AGMO: variants seen among roughly 807,000 people sequenced by gnomAD.
AGMO encodes alkylglycerol monooxygenase.
A neutral mutation model predicts 60.2 loss-of-function variants in AGMO; 75 were observed. The ratio of observed to expected loss-of-function variants is 1.25; its 90% confidence interval spans 1.03 to 1.51. The LOEUF (loss-of-function observed/expected upper bound fraction) is 1.51, where lower values mean the gene tolerates loss of function less well. Ranked by LOEUF, AGMO falls within the 40% of genes most tolerant of loss-of-function variation. The pLI is 0.00. For synonymous variants in AGMO, 261 were observed against 177.1 expected (o/e 1.47, Z -3.76); for missense variants, 763 against 525.5 (o/e 1.45, Z -4.42).
At chr7:15,189,675 G>A in the AGMO span, among the ~76,000 whole-genome samples, 1 of 151,986 alleles carries the variant, frequency 6.6e-6, no homozygotes, top group Non-Finnish European at 1.5e-5. Context: ...ACACAAAGTT[G>A]TATATTGAAT....
chr7:15,415,583 A>G (rs1780742601), intron 5 of AGMO, among the ~76,000 whole-genome samples: 2 of 152,070 alleles, frequency 1.3e-5, no homozygotes, highest in Admixed American at 1.3e-4. Flanking sequence ...CAAATCTTCA[A>G]TATCAAAGAA....
chr7:15,268,366 T>C (rs1326669961), intron 12 of AGMO, among the ~76,000 whole-genome samples: 1 of 152,038 alleles, frequency 6.6e-6, no homozygotes, highest in Non-Finnish European at 1.5e-5. Context: ...TCTTCCCGCA[T>C]CTCATACCAT....
At chr7:15,373,948 G>C (rs1008442579) in intron 10 of AGMO, among the ~76,000 whole-genome samples, 1 of 152,126 alleles carries the variant, frequency 6.6e-6, no homozygotes, top group Admixed American at 6.6e-5. Flanking sequence ...TACAATCTCT[G>C]CTGTGAAGGC....
chr7:15,122,596 T>C, the AGMO span, among the ~76,000 whole-genome samples: 2 of 152,106 alleles, frequency 1.3e-5, no homozygotes, highest in Non-Finnish European at 2.9e-5. Flanking sequence ...GAAATCTGTC[T>C]TACTCCACGT....
chr7:15,385,566 G>A lies in AGMO; in HGVS notation c.958-4C>T, dbSNP rs1239804571. 5 of 1,550,094 alleles carry A rather than the reference G, an allele frequency of 3.2e-6. No individual in the cohort carries two copies. Among genetic ancestry groups the A allele is most frequent in the Non-Finnish European group, 4.5e-6 (5 of 1,122,592 alleles). ...AGGGAACTTCTTTGCCGGTGACCTA[G>A]GGAGACAAGAACCATTTCCTTTATA... On this transcript the variant is annotated splice_region_variant and splice_polypyrimidine_tract_variant and intron_variant, in intron 9 of 12. Transcript: ENST00000342526.
intron 10 of AGMO, among the ~76,000 whole-genome samples, chr7:15,376,870 A>G (rs4437533): frequency 0.34 from 50,989 of 151,874 alleles, 9,142 homozygotes; most frequent in African/African-American, 0.42. Flanking sequence ...ATATTTAAAT[A>G]TATGCTTTGC....
At chr7:15,475,406 C>T (rs996114148) in intron 3 of AGMO, among the ~76,000 whole-genome samples, 6 of 152,018 alleles carry the variant, frequency 3.9e-5, no homozygotes, top group African/African-American at 7.2e-5. Context: ...AGGGATGAAG[C>T]TGGAAACCAT....
chr7:15,299,699 A>C (rs1372799615), intron 12 of AGMO, among the ~76,000 whole-genome samples: 1 of 151,944 alleles, frequency 6.6e-6, no homozygotes, highest in Non-Finnish European at 1.5e-5. Context: ...ATGGTGGCAC[A>C]CACCTGTAGT....
chr7:15,465,257 A>C (rs1436755420), intron 3 of AGMO, among the ~76,000 whole-genome samples: 1 of 151,628 alleles, frequency 6.6e-6, no homozygotes, highest in Non-Finnish European at 1.5e-5. Flanking sequence ...TCTTCTCAGC[A>C]CTGCTCCCCA....
At chr7:15,283,445 G>T (rs183907939) in intron 12 of AGMO, among the ~76,000 whole-genome samples, 1 of 151,700 alleles carries the variant, frequency 6.6e-6, no homozygotes, top group Non-Finnish European at 1.5e-5. Flanking sequence ...TCTTATATCT[G>T]ATCAAAAAGA....
chr7:15,150,121 C>T, the AGMO span, among the ~76,000 whole-genome samples: 1 of 151,908 alleles, frequency 6.6e-6, no homozygotes, highest in Admixed American at 6.6e-5. Flanking sequence ...GTCCAAGTAG[C>T]ATAGAAATGC....
chr7:15,183,865 A>G, the AGMO span, among the ~76,000 whole-genome samples: 1 of 152,230 alleles, frequency 6.6e-6, no homozygotes, highest in African/African-American at 2.4e-5. Flanking sequence ...GGCTAAACAA[A>G]GACAACATAA....
At chr7:15,380,609 G>A (rs746605164) in intron 10 of AGMO, among the ~76,000 whole-genome samples, 8 of 151,980 alleles carry the variant, frequency 5.3e-5, no homozygotes, top group African/African-American at 1.9e-4. Context: ...TAGAATCAAT[G>A]CTATGCTTAT....
At chr7:15,200,147 T>C (rs1781237922), downstream of AGMO, among the ~76,000 whole-genome samples, 1 of 151,782 alleles carries the variant, frequency 6.6e-6, no homozygotes, top group Non-Finnish European at 1.5e-5. Context: ...ATTAAATTAT[T>C]AAATTTTAAC....
At chr7:15,123,857 C>T in the AGMO span, among the ~76,000 whole-genome samples, 1 of 152,042 alleles carries the variant, frequency 6.6e-6, no homozygotes, top group Non-Finnish European at 1.5e-5. Flanking sequence ...ACATGAGCAG[C>T]AGTAAAATGA....
At chr7:15,551,080 C>T (rs1333385933) in intron 2 of AGMO, among the ~76,000 whole-genome samples, 1 of 151,898 alleles carries the variant, frequency 6.6e-6, no homozygotes, top group African/African-American at 2.4e-5. Flanking sequence ...ATGATTATCT[C>T]AATAGATGCA....
intron 3 of AGMO, among the ~76,000 whole-genome samples, chr7:15,537,566 G>A (rs181219630): frequency 1.3e-5 from 2 of 151,794 alleles, no homozygotes; most frequent in Admixed American, 6.6e-5. Flanking sequence ...AGCCGCCCTC[G>A]GTTCTCCTAA....
intron 12 of AGMO, among the ~76,000 whole-genome samples, chr7:15,362,123 T>C (rs1782792488): frequency 6.6e-6 from 1 of 152,176 alleles, no homozygotes. Context: ...TCTATACTTA[T>C]TGTTTGAAGA....
chr7:15,145,822 G>GT, the AGMO span, among the ~76,000 whole-genome samples: 1 of 152,020 alleles, frequency 6.6e-6, no homozygotes, highest in Non-Finnish European at 1.5e-5. Flanking sequence ...AATATAACCT[G>GT]TATCTACTTT....
Sources: gnomAD v4.1 joint callset for allele counts (sites outside exome capture counted in the v4.1 genomes callset) on GRCh38, gnomAD v4.1.1 for gene constraint, MANE v1.5 for transcripts, NCBI Gene and HGNC (gene_info 2026-07-23, HGNC 2026-07-21) for gene names.